RASSF3: variants seen among roughly 807,000 people sequenced by gnomAD.
The protein encoded by RASSF3 is Ras association domain family member 3.
In RASSF3, 19 loss-of-function variants were observed where a neutral mutation model predicts 19.9. That is an observed-to-expected ratio of 0.96 (90% confidence interval 0.67 to 1.40). RASSF3 has a LOEUF of 1.40. Among genes scored for constraint, RASSF3 ranks in the 40% most tolerant of loss-of-function variants. RASSF3 has a pLI of 0.00. For synonymous variants in RASSF3, 110 were observed against 104.2 expected, an observed-to-expected ratio of 1.06 and a Z score of -0.34; for missense variants, 306 against 289.8, an observed-to-expected ratio of 1.06 and a Z score of -0.41.
At chr12:64,598,729 A>G (rs911288100) in intron 2 of RASSF3, among the ~76,000 whole-genome samples, 1 of 151,048 alleles carries the variant, frequency 6.6e-6, no homozygotes, top group Non-Finnish European at 1.5e-5. Context: ...GTCATGAGAC[A>G]CAGATTTCTT....
intron 2 of RASSF3, among the ~76,000 whole-genome samples, chr12:64,687,158 T>A (rs1873389324): frequency 6.6e-6 from 1 of 151,954 alleles, no homozygotes; most frequent in African/African-American, 2.4e-5. Flanking sequence ...CACACCCAGC[T>A]AATTTTTTTT....
At chr12:64,599,753 C>G (rs1870056898) in intron 2 of RASSF3, among the ~76,000 whole-genome samples, 1 of 152,166 alleles carries the variant, frequency 6.6e-6, no homozygotes. Context: ...GCCTGATAAG[C>G]CGGGCGCGGT....
chr12:64,595,121 G>A (rs898924472), intron 2 of RASSF3, among the ~76,000 whole-genome samples: 1 of 146,246 alleles, frequency 6.8e-6, no homozygotes, highest in South Asian at 2.2e-4. Context: ...AGGCTGGGGT[G>A]CAGTGGTGCA....
At chr12:64,652,453 A>C (rs1204249619) in intron 1 of RASSF3, among the ~76,000 whole-genome samples, 1 of 119,276 alleles carries the variant, frequency 8.4e-6, no homozygotes, top group Non-Finnish European at 1.6e-5. Context: ...GTTGTTGTCC[A>C]GGCTGACCTC....
intron 1 of RASSF3, among the ~76,000 whole-genome samples, chr12:64,641,452 T>G (rs1039586156): frequency 1.2e-4 from 15 of 120,402 alleles, no homozygotes; most frequent in African/African-American, 5.0e-4. Context: ...AGAAACCCTA[T>G]GGACGTGGGG....
intron 1 of RASSF3, among the ~76,000 whole-genome samples, chr12:64,662,747 T>C (rs1248834601): frequency 6.6e-6 from 1 of 152,176 alleles, no homozygotes; most frequent in African/African-American, 2.4e-5. Flanking sequence ...GTCTTTAAGC[T>C]CCTGCTGGGG....
At chr12:64,543,433 GC>G (rs1868981657), downstream of RASSF3, among the ~76,000 whole-genome samples, 2 of 13,102 alleles carry the variant, frequency 1.5e-4, no homozygotes, top group Non-Finnish European at 3.3e-4. Context: ...CTCCCCGCCC[GC>G]CCCCCCCGTG....
intron 2 of RASSF3, among the ~76,000 whole-genome samples, chr12:64,570,641 A>G (rs1324395039): frequency 6.6e-6 from 1 of 152,170 alleles, no homozygotes; most frequent in Non-Finnish European, 1.5e-5. Context: ...AGCCAAAAAC[A>G]AAGGGAAAAA....
At chr12:64,587,360 TCTC>T (rs1252694930) in intron 2 of RASSF3, among the ~76,000 whole-genome samples, 3 of 152,114 alleles carry the variant, frequency 2.0e-5, no homozygotes, top group Admixed American at 1.3e-4. Context: ...CCCGGCCTCC[TCTC>T]CTCACTTTTT....
At chr12:64,654,724 G>A (rs1294296129) in intron 1 of RASSF3, 3 of 151,108 alleles carry the variant, frequency 2.0e-5, no homozygotes, top group African/African-American at 4.9e-5. Flanking sequence ...AATTAGCCAC[G>A]TGTGGTGGCA....
intron 1 of RASSF3, among the ~76,000 whole-genome samples, chr12:64,637,379 G>A (rs538750124): frequency 6.6e-6 from 1 of 151,928 alleles, no homozygotes; most frequent in East Asian, 1.9e-4. Flanking sequence ...TAGACTTCTA[G>A]GGATTGTCTC....
At chr12:64,589,091 T>G (rs1466454685) in intron 2 of RASSF3, among the ~76,000 whole-genome samples, 3 of 152,192 alleles carry the variant, frequency 2.0e-5, no homozygotes, top group Non-Finnish European at 2.9e-5. Flanking sequence ...ATATGCTACA[T>G]AAATCAAAGA....
At chr12:64,613,116 G>T (rs1295826571) in intron 1 of RASSF3, among the ~76,000 whole-genome samples, 2 of 152,124 alleles carry the variant, frequency 1.3e-5, no homozygotes, top group East Asian at 1.9e-4. Context: ...TAAATTCCTG[G>T]TAAGATTGGT....
intron 2 of RASSF3, among the ~76,000 whole-genome samples, chr12:64,569,264 C>T (rs1869480111): frequency 6.6e-6 from 1 of 152,202 alleles, no homozygotes; most frequent in African/African-American, 2.4e-5. Context: ...ACTATTGGAA[C>T]CTCTAGAGCT....
rs1422504714 is a variant in RASSF3 at position 64,674,751 on chromosome 12, C to T, written c.112-10036C>T. Among the ~76,000 whole-genome samples the T allele has an allele frequency of 2.0e-5, 3 of 151,988 alleles. No individual in the cohort carries two copies. The East Asian group carries it at 5.8e-4, about 29-fold the overall frequency. On this transcript the variant is annotated intron_variant, in intron 1 of 4. Coordinates refer to ENST00000542104, the MANE Select transcript of RASSF3 (RefSeq NM_178169.4). ...GGGCTGTTGTGGTTAGGACGGCTTC[C>T]TGGGTGGGGTGGGCCTTGAACGCAG...
At chr12:64,554,251 G>A (rs970303176) in intron 2 of RASSF3, among the ~76,000 whole-genome samples, 1 of 152,146 alleles carries the variant, frequency 6.6e-6, no homozygotes, top group African/African-American at 2.4e-5. Flanking sequence ...AGCAAATGGA[G>A]GGATTAATCC....
chr12:64,658,507 TAAG>T (rs1872235176), intron 1 of RASSF3, among the ~76,000 whole-genome samples: 1 of 152,292 alleles, frequency 6.6e-6, no homozygotes, highest in South Asian at 2.1e-4. Flanking sequence ...GTAAATTTAA[TAAG>T]AAGGAATTAC....
chr12:64,608,431 C>T (rs1023198164), upstream of RASSF3, among the ~76,000 whole-genome samples: 2 of 152,142 alleles, frequency 1.3e-5, no homozygotes, highest in African/African-American at 4.8e-5. Flanking sequence ...AAGCGATTCT[C>T]CTGCCTCAGC....
chr12:64,523,187 C>A (rs1217329341), intron 1 of RASSF3, among the ~76,000 whole-genome samples: 1 of 152,184 alleles, frequency 6.6e-6, no homozygotes, highest in Admixed American at 6.5e-5. Flanking sequence ...AGGCAGATCA[C>A]CTGAGGTCAG....
Sources: gnomAD v4.1 joint callset for allele counts (sites outside exome capture counted in the v4.1 genomes callset) on GRCh38, gnomAD v4.1.1 for gene constraint, MANE v1.5 for transcripts, NCBI Gene and HGNC (gene_info 2026-07-23, HGNC 2026-07-21) for gene names.